Variants in PPP1R14D observed in about 807,000 individuals in gnomAD.
PPP1R14D encodes the protein protein phosphatase 1 regulatory subunit 14D.
A neutral mutation model predicts 17.1 loss-of-function variants in PPP1R14D; 14 were observed. The observed-to-expected ratio is 0.82, with a 90% CI of 0.54 to 1.28. The LOEUF (loss-of-function observed/expected upper bound fraction) is 1.28, where lower values mean the gene tolerates loss of function less well. Among genes scored for constraint, PPP1R14D ranks in the 50% most tolerant of loss-of-function variants. The probability of loss-of-function intolerance (pLI) is 0.00; values close to 1 mark genes in which losing one functional copy is unlikely to be tolerated. For synonymous variants in PPP1R14D, 67 were observed against 66.1 expected (o/e 1.01, Z -0.06); for missense variants, 173 against 179.2 (o/e 0.97, Z 0.20).
Position 40,816,182 on chromosome 15 carries a change from C to G in PPP1R14D, c.327G>C (p.Lys109Asn). The G allele has an allele frequency of 6.2e-7, 1 of 1,614,164 alleles. No homozygotes were observed. Among genetic ancestry groups the G allele is most frequent in the Non-Finnish European group, 8.5e-7 (1 of 1,180,010 alleles). ...GCCCCCATCCTACCTCCAGCTGAGTCTTCTGCTCCTCTGTGGATAGATCCA... is the reference window on the plus strand; with the variant it reads ...GCCCCCATCCTACCTCCAGCTGAGTGTTCTGCTCCTCTGTGGATAGATCCA... ...ALMDLSTEEQ[K>N]TQLEAILGNC... is the part of the protein sequence containing the mutation. The change falls in exon 2 of 4, where the codon AAG (lysine) becomes AAC (asparagine). Residue 109 changes from lysine to asparagine, a missense_variant. Transcript: ENST00000299174.
chr15:40,827,967 G>C (rs78228392), intron 1 of PPP1R14D, among the ~76,000 whole-genome samples: 25 of 142,698 alleles, frequency 1.8e-4, no homozygotes, highest in East Asian at 4.0e-4. Context: ...AAGAAAGAAA[G>C]AAACAAAGAA....
At position 40,815,453 on chromosome 15, in the gene PPP1R14D, G is replaced by T; in HGVS notation, c.*243C>A. ...ATATGTTCCACACTCCATTGAGCTG[G>T]GGCTCCTAAAGGTTTTATCCACTTG... On this transcript the variant is annotated 3_prime_UTR_variant, in exon 4 of 4. Transcript: ENST00000299174. 1 of 544,402 alleles carries T rather than the reference G, an allele frequency of 1.8e-6. No homozygotes were observed. Among genetic ancestry groups the T allele is most frequent in the Non-Finnish European group, 3.3e-6 (1 of 305,604 alleles). 33.7% of individuals were successfully genotyped at this position (544,402 alleles called of 1,614,324 possible). A position where few individuals can be genotyped will look rare whatever the true frequency, so the allele number is the denominator to read the frequency against.
At chr15:40,825,663 G>A (rs1890858529) in intron 1 of PPP1R14D, among the ~76,000 whole-genome samples, 1 of 152,228 alleles carries the variant, frequency 6.6e-6, no homozygotes, top group South Asian at 2.1e-4. Flanking sequence ...CCGTAAACTG[G>A]AATGGAGCAG....
intron 1 of PPP1R14D, among the ~76,000 whole-genome samples, chr15:40,818,288 CAAAAAAAAAAAAAAA>C (rs764375543): frequency 2.7e-5 from 1 of 37,126 alleles, no homozygotes; most frequent in African/African-American, 1.0e-4. Flanking sequence ...GACTCCATCT[CAAAAAAAAAAAAAAA>C]AAAAAAAAAC....
chr15:40,827,787 G>A (rs1240497314), intron 1 of PPP1R14D, among the ~76,000 whole-genome samples: 1 of 151,890 alleles, frequency 6.6e-6, no homozygotes, highest in Non-Finnish European at 1.5e-5. Flanking sequence ...TTTGCCAGGC[G>A]TGGTGGTGCG....
chr15:40,828,605 T>G lies in PPP1R14D; in HGVS notation c.37A>C (p.Ser13Arg). 8 of 1,613,808 alleles carry G rather than the reference T, an allele frequency of 5.0e-6. No homozygotes were observed. In the South Asian group the frequency reaches 8.8e-5, roughly 18 times the overall value. ...TTACATGGGTTCTCCCCATCTGGGC[T>G]GGGAGATGTGCAGGAAGCAGGGCTT... ...SSSPASCTSP[S>R]PDGENPCKKV... The change falls in exon 1 of 4, where the codon AGC becomes CGC. Residue 13 changes from serine to arginine, a missense_variant. By Grantham distance (110) the Ser-to-Arg change is moderately radical. Coordinates refer to ENST00000299174, the MANE Select transcript of PPP1R14D (RefSeq NM_017726.8).
chr15:40,826,934 A>G (rs1335009035), intron 1 of PPP1R14D, among the ~76,000 whole-genome samples: 3 of 152,246 alleles, frequency 2.0e-5, no homozygotes, highest in African/African-American at 7.2e-5. Flanking sequence ...CTGGAACAGC[A>G]GTTCTTACCT....
intron 1 of PPP1R14D, among the ~76,000 whole-genome samples, chr15:40,819,828 T>C (rs1439160422): frequency 6.6e-6 from 1 of 152,114 alleles, no homozygotes; most frequent in Non-Finnish European, 1.5e-5. Context: ...TATGTGTTTA[T>C]ATAGTTGAGT....
intron 1 of PPP1R14D, chr15:40,817,345 ACT>A (rs1491131441): frequency 2.1e-5 from 3 of 146,300 alleles, no homozygotes; most frequent in Non-Finnish European, 3.0e-5. Flanking sequence ...ACAGAGCAAG[ACT>A]CTGTCAAAAA....
At chr15:40,818,721 A>C (rs1427769344) in intron 1 of PPP1R14D, among the ~76,000 whole-genome samples, 1 of 152,236 alleles carries the variant, frequency 6.6e-6, no homozygotes, top group East Asian at 1.9e-4. Flanking sequence ...AGGGACAAGT[A>C]GACCACAGGG....
At chr15:40,822,301 A>G (rs1890793259) in intron 1 of PPP1R14D, among the ~76,000 whole-genome samples, 1 of 151,782 alleles carries the variant, frequency 6.6e-6, no homozygotes, top group Non-Finnish European at 1.5e-5. Flanking sequence ...CCTGGGAAAC[A>G]TAGTGAGACC....
chr15:40,823,927 G>A (rs1890827482), intron 1 of PPP1R14D, among the ~76,000 whole-genome samples: 1 of 150,902 alleles, frequency 6.6e-6, no homozygotes, highest in Non-Finnish European at 1.5e-5. Context: ...GGGAGGCCAA[G>A]GTGGGAAGAT....
At chr15:40,820,644 G>GGAGTTTGA (rs972298505) in intron 1 of PPP1R14D, among the ~76,000 whole-genome samples, 3 of 151,422 alleles carry the variant, frequency 2.0e-5, no homozygotes, top group Non-Finnish European at 4.4e-5. Context: ...CTTGAGGTCA[G>GGAGTTTGA]GAGTTTGAGA....
At chr15:40,818,636 C>T (rs1566842111) in intron 1 of PPP1R14D, among the ~76,000 whole-genome samples, 1 of 152,108 alleles carries the variant, frequency 6.6e-6, no homozygotes, top group African/African-American at 2.4e-5. Context: ...CTCTATGATC[C>T]CAACAGTAAG....
chr15:40,828,194 A>G (rs893441728), intron 1 of PPP1R14D, among the ~76,000 whole-genome samples, 193 bp downstream of exon 1: 1 of 152,234 alleles, frequency 6.6e-6, no homozygotes, highest in Admixed American at 6.5e-5. Context: ...CACAAAGAGC[A>G]TTAGAGGCAC....
chr15:40,822,319 TA>T (rs936212146), intron 1 of PPP1R14D, among the ~76,000 whole-genome samples: 383 of 139,622 alleles, frequency 2.7e-3, no homozygotes, highest in East Asian at 8.4e-3. Flanking sequence ...ACCTTGCCTC[TA>T]AAAAAAAAAA....
At chr15:40,817,675 C>T (rs1204735347) in intron 1 of PPP1R14D, among the ~76,000 whole-genome samples, 1 of 148,464 alleles carries the variant, frequency 6.7e-6, no homozygotes, top group African/African-American at 2.5e-5. Context: ...AGTGCAGTGG[C>T]ATGATCAAGG....
In PPP1R14D at chr15:40,828,646, G is replaced by C. The variant is rs1890916774; in HGVS notation, c.-5C>G. 1 of 1,603,764 alleles carries C rather than the reference G, an allele frequency of 6.2e-7. No homozygotes were observed. Among genetic ancestry groups the C allele is most frequent in the African/African-American group, 1.3e-5 (1 of 74,756 alleles). On this transcript the variant is annotated 5_prime_UTR_variant, in exon 1 of 4. Coordinates refer to ENST00000299174, the MANE Select transcript of PPP1R14D (RefSeq NM_017726.8). ...AGCAGGGCTTGAAGACAGCATGGAA[G>C]TATTGGTCTGGGCAAGGAGCTGGGA...
intron 1 of PPP1R14D, among the ~76,000 whole-genome samples, chr15:40,822,800 T>A (rs1476534137): frequency 6.6e-6 from 1 of 151,658 alleles, no homozygotes; most frequent in African/African-American, 2.4e-5. Context: ...TTGTTGTTGT[T>A]GTTTTGTGGA....
Sources: allele counts gnomAD v4.1 joint callset (sites outside exome capture counted in the v4.1 genomes callset), GRCh38; gene constraint gnomAD v4.1.1; transcripts MANE v1.5; gene names NCBI Gene and HGNC (gene_info 2026-07-23, HGNC 2026-07-21).